TTC23: variants seen among roughly 807,000 people sequenced by gnomAD.
The protein encoded by TTC23 is tetratricopeptide repeat protein 23.
Under a neutral mutation model 55.1 loss-of-function variants are expected in TTC23, and 58 were observed. The observed-to-expected ratio is 1.05, with a 90% CI of 0.85 to 1.31. The LOEUF (loss-of-function observed/expected upper bound fraction) is 1.31. Ranked by LOEUF, TTC23 falls within the 50% of genes most tolerant of loss-of-function variation. TTC23 has a pLI of 0.00. For synonymous variants in TTC23, 203 were observed against 199.9 expected (o/e 1.02, Z -0.13); for missense variants, 516 against 534.4 (o/e 0.97, Z 0.34).
At chr15:99,201,655 T>G (rs759018795) in intron 8 of TTC23, among the ~76,000 whole-genome samples, 5 of 152,008 alleles carry the variant, frequency 3.3e-5, no homozygotes, top group Middle Eastern at 3.4e-3. Context: ...TGTGAAGAGG[T>G]TTAAAAACTC....
At chr15:99,204,429 T>G (rs2076439380) in intron 8 of TTC23, among the ~76,000 whole-genome samples, 1 of 152,108 alleles carries the variant, frequency 6.6e-6, no homozygotes, top group Admixed American at 6.6e-5. Context: ...ACACATTCTG[T>G]GGATTGTTTC....
rs782561030 is a variant in TTC23 at position 99,138,143 on chromosome 15, G to T, written c.1227-16C>A. Reference sequence around the variant, plus strand: ...CTTGGGGGCCCTGCAGACAAGCAGAGGGTGGGGTGAGTGTGGTGCCCCTCA... The same window carrying T: ...CTTGGGGGCCCTGCAGACAAGCAGATGGTGGGGTGAGTGTGGTGCCCCTCA... On this transcript the variant is annotated splice_polypyrimidine_tract_variant and intron_variant, in intron 13 of 13. Transcript: ENST00000394132. The T allele has an allele frequency of 1.9e-6, 3 of 1,611,644 alleles. No homozygotes were observed. The highest frequency in any genetic ancestry group is 3.3e-5 in the Admixed American group (2 of 59,990).
At chr15:99,191,036 T>C (rs1403551000) in intron 9 of TTC23, among the ~76,000 whole-genome samples, 1 of 152,130 alleles carries the variant, frequency 6.6e-6, no homozygotes, top group Admixed American at 6.6e-5. Context: ...CTGCCTGCCT[T>C]GGCCTTCCAA....
intron 1 of TTC23, among the ~76,000 whole-genome samples, chr15:99,247,136 T>A (rs900480409): frequency 1.3e-5 from 2 of 152,194 alleles, no homozygotes; most frequent in African/African-American, 4.8e-5. Context: ...AAAATCCAGC[T>A]GAATGACTAC....
At chr15:99,237,980 T>A (rs978054117) in intron 3 of TTC23, among the ~76,000 whole-genome samples, 7 of 152,206 alleles carry the variant, frequency 4.6e-5, no homozygotes, top group African/African-American at 1.7e-4. Flanking sequence ...TATTATTATT[T>A]TTTGAGACGG....
intron 9 of TTC23, among the ~76,000 whole-genome samples, chr15:99,178,479 C>G (rs2073817764): frequency 6.6e-6 from 1 of 152,162 alleles, no homozygotes; most frequent in Non-Finnish European, 1.5e-5. Context: ...TAATTTAATT[C>G]AGTCCTATTC....
chr15:99,186,042 C>T (rs2602020), intron 9 of TTC23, among the ~76,000 whole-genome samples: 121,903 of 152,220 alleles, frequency 0.8, 49,078 homozygotes, highest in African/African-American at 0.89. Flanking sequence ...CTTTTATACA[C>T]GGGTCCCCTT....
chr15:99,153,107 C>T (rs1159281682), intron 12 of TTC23, among the ~76,000 whole-genome samples: 3 of 152,246 alleles, frequency 2.0e-5, no homozygotes, highest in Non-Finnish European at 4.4e-5. Context: ...CCAGCACTGG[C>T]TCTTACTATA....
intron 11 of TTC23, chr15:99,157,437 C>G (rs980345736): frequency 1.3e-5 from 2 of 152,116 alleles, no homozygotes. Flanking sequence ...GTCTTGAACT[C>G]CTGACCTCAA....
intron 2 of TTC23, among the ~76,000 whole-genome samples, chr15:99,244,517 A>C (rs1351000565): frequency 6.6e-6 from 1 of 152,200 alleles, no homozygotes; most frequent in Non-Finnish European, 1.5e-5. Context: ...ATAATCTGAA[A>C]ATAAAATTAA....
intron 8 of TTC23, among the ~76,000 whole-genome samples, chr15:99,218,258 G>C (rs551583409): frequency 6.6e-6 from 1 of 152,166 alleles, no homozygotes; most frequent in Non-Finnish European, 1.5e-5. Context: ...TTTTAGACTG[G>C]AGCAGGGCAG....
chr15:99,197,247 C>T (rs1219646883), intron 9 of TTC23, among the ~76,000 whole-genome samples: 5 of 152,016 alleles, frequency 3.3e-5, no homozygotes, highest in Admixed American at 6.6e-5. Context: ...GGACTACAGG[C>T]GCCCGCCACC....
chr15:99,197,703 C>T (rs1239828313), intron 9 of TTC23, among the ~76,000 whole-genome samples: 3 of 151,796 alleles, frequency 2.0e-5, no homozygotes, highest in Admixed American at 6.6e-5. Flanking sequence ...GTCAGGAGTT[C>T]GAGACCAGCC....
chr15:99,196,310 G>A (rs1382926369), intron 9 of TTC23, among the ~76,000 whole-genome samples: 2 of 152,146 alleles, frequency 1.3e-5, no homozygotes, highest in Non-Finnish European at 2.9e-5. Context: ...AAAACTGCTG[G>A]TGGCGAGGTA....
intron 8 of TTC23, among the ~76,000 whole-genome samples, 175 bp from the exon 9 acceptor site, chr15:99,200,271 T>A (rs573202264): frequency 2.6e-4 from 40 of 152,296 alleles, no homozygotes; most frequent in African/African-American, 9.6e-4. Flanking sequence ...GAAGATGGGT[T>A]CTGGAATCAC....
rs572149667 is a variant in TTC23 at position 99,138,181 on chromosome 15, G to A, written c.1227-54C>T. The stretch of plus-strand genomic sequence containing the variant: ...GTGGTGCCCCTCAGCCCCCCACACC[G>A]TTCCCATCCAGCCTTTGCTGCCCAG... On this transcript the variant is annotated intron_variant, in intron 13 of 13. Coordinates refer to ENST00000394132, the MANE Select transcript of TTC23 (RefSeq NM_001288615.3). 2.5e-4 allele frequency: 400 copies of A among 1,598,420 alleles called. 1 individual carries two copies. The highest frequency in any genetic ancestry group is 3.0e-4 in the Non-Finnish European group (355 of 1,172,480).
At chr15:99,239,637 T>G (rs1343477945) in intron 3 of TTC23, among the ~76,000 whole-genome samples, 3 of 152,238 alleles carry the variant, frequency 2.0e-5, no homozygotes, top group Non-Finnish European at 4.4e-5. Context: ...TTGGCTAACT[T>G]TTTTCTAATA....
chr15:99,161,923 A>G, intron 10 of TTC23, 56 bp from the exon 11 acceptor site: 1 of 1,545,014 alleles, frequency 6.5e-7, no homozygotes, highest in Non-Finnish European at 8.7e-7. Flanking sequence ...TGAAATGGAA[A>G]CAGAATAAAT....
intron 12 of TTC23, chr15:99,145,003 C>G (rs1250521812): frequency 6.6e-6 from 1 of 152,230 alleles, no homozygotes; most frequent in Non-Finnish European, 1.5e-5. Flanking sequence ...TCAAGAAATA[C>G]AAGTACGCTT....
Sources: allele counts gnomAD v4.1 joint callset (sites outside exome capture counted in the v4.1 genomes callset), GRCh38; gene constraint gnomAD v4.1.1; transcripts MANE v1.5; gene names NCBI Gene and HGNC (gene_info 2026-07-23, HGNC 2026-07-21).